NXN: variants seen among roughly 807,000 people sequenced by gnomAD.
NXN encodes the protein nucleoredoxin, also known as nucleoredoxin 1.
A neutral mutation model predicts 48.6 loss-of-function variants in NXN; 16 were observed. The observed-to-expected ratio is 0.33, with a 90% confidence interval of 0.22 to 0.50. NXN has a LOEUF of 0.50. Ranked by LOEUF, NXN falls within the 20% of genes least tolerant of loss-of-function variation. NXN has a pLI of 0.98. For missense variants in NXN, 492 were observed against 605.5 expected, an observed-to-expected ratio of 0.81 and a Z score of 1.97; for synonymous variants, 281 against 269.6, an observed-to-expected ratio of 1.04 and a Z score of -0.41.
chr17:832,753 C>T (rs999918824), intron 1 of NXN, among the ~76,000 whole-genome samples: 47 of 152,148 alleles, frequency 3.1e-4, no homozygotes, highest in African/African-American at 6.5e-4. Context: ...AAAGATTCCC[C>T]GTTCCTTTCT....
chr17:921,188 C>T (rs2068747569), intron 1 of NXN, among the ~76,000 whole-genome samples: 2 of 152,144 alleles, frequency 1.3e-5, no homozygotes. Context: ...CCTTCCTCTG[C>T]TCACTCCTTC....
intron 1 of NXN, among the ~76,000 whole-genome samples, chr17:955,722 CT>C (rs1213770116): frequency 6.6e-6 from 1 of 151,292 alleles, no homozygotes; most frequent in East Asian, 2.0e-4. Flanking sequence ...CGGTGAAACC[CT>C]GTCTCTACTA....
intron 1 of NXN, among the ~76,000 whole-genome samples, chr17:889,503 C>T (rs1178284753): frequency 6.6e-6 from 1 of 152,098 alleles, no homozygotes; most frequent in African/African-American, 2.4e-5. Flanking sequence ...TCAAGACCAG[C>T]CTGGCCAACA....
chr17:828,323 C>T (rs1444336863), intron 1 of NXN, among the ~76,000 whole-genome samples: 3 of 147,702 alleles, frequency 2.0e-5, no homozygotes, highest in East Asian at 2.0e-4. Flanking sequence ...AGGCTGGTCT[C>T]GAACTCCTGA....
chr17:918,624 C>G (rs981415625), intron 1 of NXN, among the ~76,000 whole-genome samples: 4 of 151,190 alleles, frequency 2.6e-5, no homozygotes, highest in Admixed American at 2.6e-4. Flanking sequence ...GAAAACCTGT[C>G]TCTACTAAAA....
Position 920,118 on chromosome 17 carries a change from T to C in NXN, c.360+59201A>G, listed in dbSNP as rs567555340. ...TTTCGCCATGTTGCCCAGGCTGGTC[T>C]TGAACTCCTGGGCTCAAGCGATCAG... On this transcript the variant is annotated intron_variant, in intron 1 of 7. Coordinates refer to ENST00000336868, the MANE Select transcript of NXN (RefSeq NM_022463.5). The surrounding 1 kb of genome is among the most constrained non-coding windows in gnomAD (Gnocchi z 4.6). Among the ~76,000 whole-genome samples, 1 of 152,216 alleles carries C rather than the reference T, an allele frequency of 6.6e-6. No individual in the cohort carries two copies. The highest frequency in any genetic ancestry group is 2.1e-4 in the South Asian group (1 of 4,818).
chr17:963,891 C>T (rs1055045673), intron 1 of NXN, among the ~76,000 whole-genome samples: 2 of 151,542 alleles, frequency 1.3e-5, no homozygotes, highest in African/African-American at 2.4e-5. Context: ...TCGTGGCTAA[C>T]GTGGTGAAAC....
At chr17:966,620 T>C (rs1187205178) in intron 1 of NXN, among the ~76,000 whole-genome samples, 2 of 152,064 alleles carry the variant, frequency 1.3e-5, no homozygotes, top group African/African-American at 4.8e-5. Flanking sequence ...GTGCTGGGAA[T>C]ACAGACATGA....
intron 1 of NXN, among the ~76,000 whole-genome samples, chr17:948,037 A>ACT (rs896872700): frequency 1.1e-4 from 17 of 151,898 alleles, no homozygotes; most frequent in African/African-American, 3.9e-4. Context: ...GGTGACAGAG[A>ACT]CTCTCTCTCA....
chr17:925,747 T>C (rs1040344896), intron 1 of NXN, among the ~76,000 whole-genome samples: 2 of 152,144 alleles, frequency 1.3e-5, no homozygotes, highest in East Asian at 1.9e-4. Flanking sequence ...CAACTCCCCA[T>C]TCAACTTTCT....
chr17:889,660 G>C (rs4968123), intron 1 of NXN, among the ~76,000 whole-genome samples: 54,462 of 150,042 alleles, frequency 0.36, 11,342 homozygotes, highest in East Asian at 0.58. Flanking sequence ...CTGAGCAACA[G>C]AGCGAGACTG....
chr17:885,139 T>C lies in NXN; in HGVS notation c.361-59061A>G, dbSNP rs542449245. Among the ~76,000 whole-genome samples, 30 of 152,320 alleles carry C rather than the reference T, an allele frequency of 2.0e-4. 1 individual carries two copies. The South Asian group carries it at 6.0e-3, about 30-fold the overall frequency. On this transcript the variant is annotated intron_variant, in intron 1 of 7. Transcript: ENST00000336868. ...TTCAGGCTGACATGTCCCATCATGA[T>C]CAGTCAAGTTTAGGACAGAGACTAA...
rs574714041 is a variant in NXN, at chr17:864,331, T to A, written c.361-38253A>T. Among the ~76,000 whole-genome samples, 33 of 152,320 alleles carry A rather than the reference T, an allele frequency of 2.2e-4. No homozygotes were observed. The Middle Eastern group carries it at 0.01, about 47-fold the overall frequency. ...CTTCTCAGGGAATCAAAACCACGGT[T>A]CTTCAGAGTGTTGATTCTTAAATTT... On this transcript the variant is annotated intron_variant, in intron 1 of 7. Coordinates refer to ENST00000336868, the MANE Select transcript of NXN (RefSeq NM_022463.5).
intron 1 of NXN, among the ~76,000 whole-genome samples, chr17:882,698 C>T (rs939335401): frequency 2.0e-5 from 3 of 152,062 alleles, no homozygotes; most frequent in African/African-American, 7.2e-5. Context: ...ATCTCCTGAC[C>T]TCGTGATCTG....
At chr17:934,807 GA>G (rs1299754573) in intron 1 of NXN, among the ~76,000 whole-genome samples, 1 of 151,994 alleles carries the variant, frequency 6.6e-6, no homozygotes, top group Non-Finnish European at 1.5e-5. Context: ...CCGGGAGGCG[GA>G]GGGTGCAGTG....
chr17:932,268 T>G lies in NXN; in HGVS notation c.360+47051A>C, dbSNP rs116119355. Among the ~76,000 whole-genome samples, 788 of 152,318 alleles carry G rather than the reference T, an allele frequency of 5.2e-3. 11 individuals are homozygous for G. Among genetic ancestry groups the G allele is most frequent in the African/African-American group, 0.018 (766 of 41,566 alleles). Reference sequence around the variant, plus strand: ...CCCAGCTACCAACCCAAACCGGCCTTGTTTTGGTCCTAGGCGGCGGTTCTT... The same window carrying G: ...CCCAGCTACCAACCCAAACCGGCCTGGTTTTGGTCCTAGGCGGCGGTTCTT... On this transcript the variant is annotated intron_variant, in intron 1 of 7. Transcript: ENST00000336868. The surrounding 1 kb of genome is among the most constrained non-coding windows in gnomAD (Gnocchi z 4.1).
At chr17:916,193 A>C (rs2068687393) in intron 1 of NXN, among the ~76,000 whole-genome samples, 1 of 152,202 alleles carries the variant, frequency 6.6e-6, no homozygotes, top group African/African-American at 2.4e-5. Context: ...CACGTCGGCA[A>C]CAGAAATGGA....
At chr17:915,893 C>A (rs1400190954) in intron 1 of NXN, among the ~76,000 whole-genome samples, 1 of 99,902 alleles carries the variant, frequency 1.0e-5, no homozygotes, top group African/African-American at 5.2e-5. Context: ...TCCAGCTGCT[C>A]CCCCTCTCCC....
chr17:891,253 A>C (rs1276366738), intron 1 of NXN, among the ~76,000 whole-genome samples: 1 of 152,014 alleles, frequency 6.6e-6, no homozygotes, highest in African/African-American at 2.4e-5. Context: ...TTTTTGTAGA[A>C]ATGAGGTCTC....
Sources: allele counts gnomAD v4.1 joint callset (sites outside exome capture counted in the v4.1 genomes callset), GRCh38; gene constraint gnomAD v4.1.1; non-coding constraint Gnocchi (gnomAD v3.1); transcripts MANE v1.5; gene names NCBI Gene and HGNC (gene_info 2026-07-23, HGNC 2026-07-21).